Variants in KIRREL3 observed in about 807,000 individuals in gnomAD.
KIRREL3 encodes kirre like nephrin family adhesion molecule 3.
KIRREL3 carries 36 observed loss-of-function variants against 89.7 expected under a neutral mutation model. The observed-to-expected ratio is 0.40, with a 90% confidence interval of 0.31 to 0.53. The LOEUF is 0.53. Among genes scored for constraint, KIRREL3 ranks in the 20% least tolerant of loss-of-function variants. KIRREL3 has a pLI of 0.49. For missense variants in KIRREL3, 864 were observed against 1,056.6 expected, an observed-to-expected ratio of 0.82 and a Z score of 2.53; for synonymous variants, 445 against 441.4, an observed-to-expected ratio of 1.01 and a Z score of -0.10.
intron 1 of KIRREL3, among the ~76,000 whole-genome samples, chr11:126,595,348 C>T (rs1313789322): frequency 6.6e-6 from 1 of 152,156 alleles, no homozygotes; most frequent in Non-Finnish European, 1.5e-5. Context: ...CTGGCAGGGC[C>T]CTTGGCAAAG....
Position 126,424,595 on chromosome 11 carries a change from C to T in KIRREL3, c.2322G>A (p.Met774Ile). The change falls in exon 17 of 17, where the codon ATG (methionine) becomes ATA (isoleucine). Residue 774 changes from methionine to isoleucine, a missense_variant. Coordinates refer to ENST00000525144, the MANE Select transcript of KIRREL3 (RefSeq NM_032531.4). ...TGTGTGATCCTTAGACGTGAGTCTG[C>T]ATCCGCCGCTGCAGGGGTCGACTGG... The part of the protein sequence containing the change: ...SDPSRPLQRR[M>I]QTHV 1 of 1,613,876 alleles carries T rather than the reference C, an allele frequency of 6.2e-7. No individual in the cohort carries two copies. The highest frequency in any genetic ancestry group is 1.1e-5 in the South Asian group (1 of 91,076).
At chr11:126,945,495 TAA>T (rs1404475557) in intron 1 of KIRREL3, among the ~76,000 whole-genome samples, 4 of 152,216 alleles carry the variant, frequency 2.6e-5, no homozygotes, top group African/African-American at 9.6e-5. Flanking sequence ...CAGTACCATT[TAA>T]ATCTATGCTT....
Position 126,576,024 on chromosome 11 carries a change from A to T in KIRREL3, c.56-13112T>A, listed in dbSNP as rs1378416525. On this transcript the variant is annotated intron_variant, in intron 1 of 16. Transcript: ENST00000525144. The surrounding 1 kb of genome is among the most constrained non-coding windows in gnomAD (Gnocchi z 5.4). ...AGACTGTGAGGTGGGAACCATCTCT[A>T]TTAATCTCTAGAACCTGGCTCAGAG... Among the ~76,000 whole-genome samples the T allele has an allele frequency of 6.6e-6, 1 of 152,240 alleles. No individual in the cohort carries two copies. The highest frequency in any genetic ancestry group is 1.5e-5 in the Non-Finnish European group (1 of 68,044).
rs1371551786 is a variant in KIRREL3, at chr11:126,555,426, A to G, written c.133+7409T>C. On this transcript the variant is annotated intron_variant, in intron 2 of 16. Coordinates refer to ENST00000525144, the MANE Select transcript of KIRREL3 (RefSeq NM_032531.4). The surrounding 1 kb of genome is among the most constrained non-coding windows in gnomAD (Gnocchi z 4.2). ...GAAAGGAAGGATCTGGTTCTACGGG[A>G]GCATGTGACACAGGAACTGGATCTT... is the stretch of plus-strand genomic sequence containing the variant. 6.6e-6 allele frequency among the ~76,000 whole-genome samples: 1 copy of G among 152,230 alleles called. No homozygotes were observed. The highest frequency in any genetic ancestry group is 1.5e-5 in the Non-Finnish European group (1 of 68,036).
rs975836262 is a variant in KIRREL3 at position 126,669,523 on chromosome 11, G to A, written c.56-106611C>T. On this transcript the variant is annotated intron_variant, in intron 1 of 16. Transcript: ENST00000525144. The surrounding 1 kb of genome is among the most constrained non-coding windows in gnomAD (Gnocchi z 5.0). ...TGGGCGGTTAGATTTTTAACTTCTG[G>A]TTCGGACTAATACATCTTTTCCAGT... 1.3e-5 allele frequency among the ~76,000 whole-genome samples: 2 copies of A among 152,058 alleles called. No homozygotes were observed. Among genetic ancestry groups the A allele is most frequent in the African/African-American group, 4.8e-5 (2 of 41,396 alleles).
rs1327439544 is a variant in KIRREL3 at position 126,906,070 on chromosome 11, T to C, written c.55+94385A>G. ...AGGCCGACTTCAAGGCCGGGAGGTGTGCAGAGCCCCAGGCTCCAATCACAC... is the reference window on the plus strand; with the variant it reads ...AGGCCGACTTCAAGGCCGGGAGGTGCGCAGAGCCCCAGGCTCCAATCACAC... On this transcript the variant is annotated intron_variant, in intron 1 of 16. Coordinates refer to ENST00000525144, the MANE Select transcript of KIRREL3 (RefSeq NM_032531.4). This position sits in a 1 kb window ranked among gnomAD's most constrained non-coding sequence, Gnocchi z 4.1. Among the ~76,000 whole-genome samples the C allele has an allele frequency of 2.6e-5, 4 of 152,190 alleles. No individual in the cohort carries two copies. The highest frequency in any genetic ancestry group is 9.6e-5 in the African/African-American group (4 of 41,456).
At chr11:126,533,635 C>T (rs144156789) in intron 2 of KIRREL3, among the ~76,000 whole-genome samples, 7 of 152,292 alleles carry the variant, frequency 4.6e-5, no homozygotes, top group South Asian at 2.1e-4. Context: ...TCCAAAGAAC[C>T]CCTCTCTCCC....
At chr11:126,792,242 A>C (rs201201642) in intron 1 of KIRREL3, among the ~76,000 whole-genome samples, 1 of 152,218 alleles carries the variant, frequency 6.6e-6, no homozygotes, top group Non-Finnish European at 1.5e-5. Flanking sequence ...AATGGACATC[A>C]TCATGGCCAC....
In KIRREL3 at chr11:126,490,027, G is replaced by A. The variant is rs779053282; in HGVS notation, c.434-16561C>T. On this transcript the variant is annotated intron_variant, in intron 4 of 16. Transcript: ENST00000525144. This position sits in a 1 kb window ranked among gnomAD's most constrained non-coding sequence, Gnocchi z 4.2. ...TTGGAAGCAGCCCATGAGCTGCTTC[G>A]AGGAGTGAACGGGGTGAGGTGTCCA... 5.3e-5 allele frequency among the ~76,000 whole-genome samples: 8 copies of A among 152,118 alleles called. No homozygotes were observed. Among genetic ancestry groups the A allele is most frequent in the Non-Finnish European group, 1.0e-4 (7 of 68,028 alleles).
At chr11:126,581,306 G>A (rs868471660) in intron 1 of KIRREL3, among the ~76,000 whole-genome samples, 18 of 152,196 alleles carry the variant, frequency 1.2e-4, no homozygotes, top group South Asian at 8.3e-4. Context: ...GGGTTCAAGT[G>A]ATTTTCCCAC....
chr11:126,907,593 C>T (rs999601039), intron 1 of KIRREL3, among the ~76,000 whole-genome samples: 1 of 152,134 alleles, frequency 6.6e-6, no homozygotes, highest in African/African-American at 2.4e-5. Flanking sequence ...GCTCTTCTAC[C>T]ATTTGCTCAA....
chr11:126,675,555 G>T (rs979673044), intron 1 of KIRREL3, among the ~76,000 whole-genome samples: 1 of 152,132 alleles, frequency 6.6e-6, no homozygotes, highest in Non-Finnish European at 1.5e-5. Flanking sequence ...CTCTAGCTGG[G>T]GATCTGGGGG....
chr11:126,858,770 T>A (rs972503499), intron 1 of KIRREL3, among the ~76,000 whole-genome samples: 3 of 152,150 alleles, frequency 2.0e-5, no homozygotes, highest in African/African-American at 7.2e-5. Flanking sequence ...CTTCTGCAAA[T>A]GATGCTAAGG....
rs538104998 is a variant in KIRREL3 at position 126,632,171 on chromosome 11, G to T, written c.56-69259C>A. ...TTCCCAGGTCAGGTTGATGCTGCTG[G>T]TGTGGTCTCACACTTTGAGGACCAC... On this transcript the variant is annotated intron_variant, in intron 1 of 16. Coordinates refer to ENST00000525144, the MANE Select transcript of KIRREL3 (RefSeq NM_032531.4). 8.5e-5 allele frequency among the ~76,000 whole-genome samples: 13 copies of T among 152,370 alleles called. No individual in the cohort carries two copies. The East Asian group carries it at 2.3e-3, about 27-fold the overall frequency.
rs1036561383 is a variant in KIRREL3, at chr11:126,703,679, C to T, written c.56-140767G>A. On this transcript the variant is annotated intron_variant, in intron 1 of 16. Coordinates refer to ENST00000525144, the MANE Select transcript of KIRREL3 (RefSeq NM_032531.4). The surrounding 1 kb of genome is among the most constrained non-coding windows in gnomAD (Gnocchi z 4.6). Reference sequence around the variant, plus strand: ...GAGATGTCTGTTTTCCTGAGGCCCACGGGCAGGGGAGGCAGGACTCCTAAG... The same window carrying T: ...GAGATGTCTGTTTTCCTGAGGCCCATGGGCAGGGGAGGCAGGACTCCTAAG... 2.0e-5 allele frequency among the ~76,000 whole-genome samples: 3 copies of T among 152,172 alleles called. No individual in the cohort carries two copies. The highest frequency in any genetic ancestry group is 2.9e-5 in the Non-Finnish European group (2 of 68,034).
chr11:126,808,761 G>C lies in KIRREL3; in HGVS notation c.55+191694C>G, dbSNP rs1951285057. ...ACATGCATATATAGAATGAATTGTT[G>C]AGACGGAGAATATATTTTGCCATCT... On this transcript the variant is annotated intron_variant, in intron 1 of 16. Transcript: ENST00000525144. This position sits in a 1 kb window ranked among gnomAD's most constrained non-coding sequence, Gnocchi z 4.1. Among the ~76,000 whole-genome samples, 1 of 152,100 alleles carries C rather than the reference G, an allele frequency of 6.6e-6. No individual in the cohort carries two copies.
intron 1 of KIRREL3, among the ~76,000 whole-genome samples, chr11:126,604,121 T>C (rs1942783140): frequency 6.6e-6 from 1 of 152,204 alleles, no homozygotes; most frequent in African/African-American, 2.4e-5. Flanking sequence ...ATCCTTCACA[T>C]GAGGCCCGAT....
rs1431119075 is a variant in KIRREL3 at position 126,484,859 on chromosome 11, A to G, written c.434-11393T>C. ...AGACGGAGTCTCGCTCTTGTCACCC[A>G]GGCTGGAGTGCAATGGCACAATGTA... On this transcript the variant is annotated intron_variant, in intron 4 of 16. Transcript: ENST00000525144. The surrounding 1 kb of genome is among the most constrained non-coding windows in gnomAD (Gnocchi z 5.2). Among the ~76,000 whole-genome samples the G allele has an allele frequency of 6.7e-6, 1 of 148,446 alleles. No individual in the cohort carries two copies. Among genetic ancestry groups the G allele is most frequent in the Non-Finnish European group, 1.5e-5 (1 of 67,620 alleles).
Position 126,601,769 on chromosome 11 carries a change from C to T in KIRREL3, c.56-38857G>A, listed in dbSNP as rs2134749715. On this transcript the variant is annotated intron_variant, in intron 1 of 16. Coordinates refer to ENST00000525144, the MANE Select transcript of KIRREL3 (RefSeq NM_032531.4). This position sits in a 1 kb window ranked among gnomAD's most constrained non-coding sequence, Gnocchi z 5.8. ...TGGACGCCTATTTGGAGTTTCATCCCCCTGAATTCCATCCCCTGCCGCGTC... is the reference window on the plus strand; with the variant it reads ...TGGACGCCTATTTGGAGTTTCATCCTCCTGAATTCCATCCCCTGCCGCGTC... Among the ~76,000 whole-genome samples the T allele has an allele frequency of 6.6e-6, 1 of 152,272 alleles. No individual in the cohort carries two copies. Among genetic ancestry groups the T allele is most frequent in the South Asian group, 2.1e-4 (1 of 4,812 alleles).
Sources: allele counts gnomAD v4.1 joint callset (sites outside exome capture counted in the v4.1 genomes callset), GRCh38; gene constraint gnomAD v4.1.1; non-coding constraint Gnocchi (gnomAD v3.1); transcripts MANE v1.5; gene names NCBI Gene and HGNC (gene_info 2026-07-23, HGNC 2026-07-21).